MLKL: variants seen among roughly 807,000 people sequenced by gnomAD.
MLKL encodes mixed lineage kinase domain-like protein.
In MLKL, 55 loss-of-function variants were observed where a neutral mutation model predicts 56.5. The observed-to-expected ratio is 0.97, with a 90% confidence interval of 0.78 to 1.22. The LOEUF (loss-of-function observed/expected upper bound fraction) is 1.22. MLKL is among the 50% of genes most tolerant of loss of function. The pLI, the probability that MLKL is intolerant of heterozygous loss-of-function variation, is 0.00. For synonymous variants in MLKL, 251 were observed against 208.3 expected (o/e 1.20, Z -1.76); for missense variants, 694 against 573.9 (o/e 1.21, Z -2.14).
Position 74,697,323 on chromosome 16 carries a change from G to T in MLKL, c.-2-1564C>A, listed in dbSNP as rs1034231908. Among the ~76,000 whole-genome samples, 4 of 152,080 alleles carry T rather than the reference G, an allele frequency of 2.6e-5. No individual in the cohort carries two copies. The East Asian group carries it at 7.7e-4, about 29-fold the overall frequency. On this transcript the variant is annotated intron_variant, in intron 1 of 10. Transcript: ENST00000308807. Reference sequence around the variant, plus strand: ...CAACATTGAGCCACTGGTTTGAACTGACATGAAGTGTACCCCATCCCCTAA... The same window carrying T: ...CAACATTGAGCCACTGGTTTGAACTTACATGAAGTGTACCCCATCCCCTAA...
chr16:74,694,130 T>C (rs1960870801), intron 2 of MLKL, among the ~76,000 whole-genome samples: 1 of 152,204 alleles, frequency 6.6e-6, no homozygotes, highest in South Asian at 2.1e-4. Flanking sequence ...TAGAACAATG[T>C]GCTTGGCATG....
At chr16:74,691,102 C>T (rs548532818) in intron 4 of MLKL, among the ~76,000 whole-genome samples, 175 bp downstream of exon 4, 1 of 151,048 alleles carries the variant, frequency 6.6e-6, no homozygotes, top group Non-Finnish European at 1.5e-5. Flanking sequence ...AGACCTAGAA[C>T]TGAGGTGGAA....
chr16:74,695,062 C>T (rs1428050440), intron 2 of MLKL, among the ~76,000 whole-genome samples: 1 of 152,060 alleles, frequency 6.6e-6, no homozygotes, highest in Non-Finnish European at 1.5e-5. Context: ...TTAGTAGAGA[C>T]GGGGTTTCAC....
chr16:74,693,725 T>C (rs992294646), intron 2 of MLKL, among the ~76,000 whole-genome samples: 5 of 150,354 alleles, frequency 3.3e-5, no homozygotes, highest in African/African-American at 1.2e-4. Context: ...CGCCTCAGCC[T>C]CCCGAGTAGC....
chr16:74,687,223 G>T lies in MLKL; in HGVS notation c.723-1640C>A, dbSNP rs1016173469. ...ACTCCTGACCTCAGGTGATCCTCCTGCCTCAGCCTCCCAAAGTGCTGGGAT... is the reference window on the plus strand; with the variant it reads ...ACTCCTGACCTCAGGTGATCCTCCTTCCTCAGCCTCCCAAAGTGCTGGGAT... On this transcript the variant is annotated intron_variant, in intron 4 of 10. Transcript: ENST00000308807. Among the ~76,000 whole-genome samples the T allele has an allele frequency of 2.0e-5, 3 of 152,142 alleles. No individual in the cohort carries two copies. The South Asian group carries it at 6.2e-4, about 31-fold the overall frequency.
intron 2 of MLKL, among the ~76,000 whole-genome samples, chr16:74,693,628 G>T (rs1259822810): frequency 1.4e-5 from 2 of 140,508 alleles, no homozygotes; most frequent in Non-Finnish European, 3.0e-5. Context: ...TTTTTGAGAC[G>T]GAATCTCTCT....
In MLKL at chr16:74,684,048, C is replaced by T. The variant is rs558964503; in HGVS notation, c.821-1262G>A. Among the ~76,000 whole-genome samples the T allele has an allele frequency of 8.0e-5, 12 of 150,364 alleles. No homozygotes were observed. In the East Asian group the frequency reaches 1.4e-3, roughly 17 times the overall value. ...CTGCAACCTCCGCCTCCCAGGTTCA[C>T]GCAATTCTCCTGCCTCAGCCTCCCG... is the stretch of plus-strand genomic sequence containing the variant. On this transcript the variant is annotated intron_variant, in intron 5 of 10. Coordinates refer to ENST00000308807, the MANE Select transcript of MLKL (RefSeq NM_152649.4).
At position 74,695,655 on chromosome 16, in the gene MLKL, C is replaced by T. The variant is rs201556027; in HGVS notation, c.103G>A (p.Val35Ile). 14 of 1,614,056 alleles carry T rather than the reference C, an allele frequency of 8.7e-6. No homozygotes were observed. The highest frequency in any genetic ancestry group is 1.2e-5 in the Non-Finnish European group (14 of 1,180,046). Residue 35 changes from valine (V) to isoleucine (I), a missense_variant, in exon 2 of 11, where the codon GTC (valine) becomes ATC (isoleucine). Val to Ile is a conservative substitution (Grantham distance 29, BLOSUM62 3). Transcript: ENST00000308807. ...TCCAGAGGCTTGATCAGGCCGAGGA[C>T]GCGGTGGCCCAGGCGCCGGCACTGT... ...KKQCRRLGHR[V>I]LGLIKPLEML...
intron 6 of MLKL, among the ~76,000 whole-genome samples, chr16:74,681,227 C>T (rs544238699): frequency 5.3e-5 from 8 of 152,016 alleles, no homozygotes; most frequent in African/African-American, 9.6e-5. Context: ...GGTTTCGCCA[C>T]GTTGGCCAGG....
At chr16:74,685,429 A>C (rs1430291913) in intron 5 of MLKL, 57 bp downstream of exon 5, 2 of 1,275,406 alleles carry the variant, frequency 1.6e-6, no homozygotes, top group African/African-American at 2.9e-5. Context: ...ACATTAAAAC[A>C]CAGGAGGTGT....
intron 1 of MLKL, among the ~76,000 whole-genome samples, chr16:74,698,290 A>G (rs547481195): frequency 1.3e-5 from 2 of 152,156 alleles, no homozygotes; most frequent in East Asian, 3.9e-4. Context: ...TCAGTGAAAT[A>G]GGTAGGTTAA....
chr16:74,695,262 A>T (rs377739280), intron 2 of MLKL, 36 bp downstream of exon 2: 319 of 1,592,678 alleles, frequency 2.0e-4, no homozygotes, highest in Non-Finnish European at 2.6e-4. Context: ...AATGCATTCA[A>T]CTGCACTCCC....
chr16:74,682,588 G>A, intron 6 of MLKL, 63 bp downstream of exon 6: 1 of 1,589,558 alleles, frequency 6.3e-7, no homozygotes, highest in Non-Finnish European at 8.6e-7. Flanking sequence ...ACCATCTCTG[G>A]GAGTATCAGG....
chr16:74,688,734 C>G (rs567399203), intron 4 of MLKL, among the ~76,000 whole-genome samples: 2 of 151,948 alleles, frequency 1.3e-5, no homozygotes, highest in Admixed American at 1.3e-4. Flanking sequence ...AACAAAAAAC[C>G]CCCAAAACCT....
intron 6 of MLKL, among the ~76,000 whole-genome samples, chr16:74,679,887 G>A (rs867265419): frequency 6.6e-6 from 1 of 152,154 alleles, no homozygotes; most frequent in South Asian, 2.1e-4. Context: ...GGTTGAGGGA[G>A]TACAGGAAGT....
At chr16:74,677,687 T>A (rs1475531163) in intron 7 of MLKL, 3 of 152,304 alleles carry the variant, frequency 2.0e-5, no homozygotes, top group Non-Finnish European at 4.4e-5. Flanking sequence ...CTTTTTTCTT[T>A]TTTTTTGGAG....
chr16:74,689,416 T>A (rs1054089086), intron 4 of MLKL, among the ~76,000 whole-genome samples: 1 of 152,100 alleles, frequency 6.6e-6, no homozygotes, highest in African/African-American at 2.4e-5. Flanking sequence ...GCACCTGGCC[T>A]GTAAATATAT....
intron 6 of MLKL, 141 bp downstream of exon 6, chr16:74,682,510 G>A (rs941144450): frequency 6.7e-6 from 8 of 1,185,788 alleles, no homozygotes; most frequent in African/African-American, 1.5e-5. Context: ...CCTCCTATCT[G>A]TAATCAGAGT....
chr16:74,675,395 G>A lies in MLKL; in HGVS notation c.1200C>T (p.Ile400=), dbSNP rs780422556. Residue 400 remains isoleucine, a synonymous_variant, in exon 9 of 11, where the codon ATC becomes ATT. Transcript: ENST00000308807. Reference sequence around the variant, plus strand: ...CTCCAGTGGCGATTTCCCAGAGGACGATTCCAAAGCTAAAAGAAAACCAAG... The same window carrying A: ...CTCCAGTGGCGATTTCCCAGAGGACAATTCCAAAGCTAAAAGAAAACCAAG... The part of the protein sequence containing the change: ...DVKSEIYSFG[I]VLWEIATGDI... 2.5e-6 allele frequency: 4 copies of A among 1,613,872 alleles called. No homozygotes were observed. The highest frequency in any genetic ancestry group is 1.6e-4 in the Middle Eastern group (1 of 6,062).
Sources: allele counts gnomAD v4.1 joint callset (sites outside exome capture counted in the v4.1 genomes callset), GRCh38; gene constraint gnomAD v4.1.1; transcripts MANE v1.5; gene names NCBI Gene and HGNC (gene_info 2026-07-23, HGNC 2026-07-21).